The following PER3 variants were observed in gnomAD, a reference collection of about 807,000 sequenced individuals.
PER3 encodes the protein period circadian protein homolog 3.
PER3 carries 107 observed loss-of-function variants against 127.2 expected under a neutral mutation model. The ratio of observed to expected loss-of-function variants is 0.84; its 90% CI spans 0.72 to 0.99. PER3 has a LOEUF of 0.99. Among genes scored for constraint, PER3 ranks in the 50% least tolerant of loss-of-function variants. PER3 has a pLI of 0.00. For synonymous variants in PER3, 618 were observed against 585.8 expected (o/e 1.05, Z -0.79); for missense variants, 1,560 against 1,525.8 (o/e 1.02, Z -0.37).
Position 7,842,855 on chromosome 1 carries a change from A to T in PER3, c.*100A>T, listed in dbSNP as rs563564725. On this transcript the variant is annotated 3_prime_UTR_variant, in exon 22 of 22. Coordinates refer to ENST00000377532, the MANE Select transcript of PER3 (RefSeq NM_001377275.1). ...TTAAATGACCATGAAGTTATCATTGAATGTTAAGATTTTTTCTTCTTGATT... is the reference window on the plus strand; with the variant it reads ...TTAAATGACCATGAAGTTATCATTGTATGTTAAGATTTTTTCTTCTTGATT... The T allele has an allele frequency of 5.4e-6, 5 of 934,508 alleles. No individual in the cohort carries two copies. The East Asian group carries it at 1.4e-4, about 25-fold the overall frequency. The allele number at this position is 934,508 out of a possible 1,614,324, so 57.9% of individuals were successfully genotyped here. A position where few individuals can be genotyped will look rare whatever the true frequency, so the allele number is the denominator to read the frequency against.
chr1:7,810,687 T>G lies in PER3; in HGVS notation c.1522+99T>G, dbSNP rs531510322. The G allele has an allele frequency of 1.0e-4, 118 of 1,146,646 alleles. No individual in the cohort carries two copies. The Middle Eastern group carries it at 3.6e-3, about 35-fold the overall frequency. The allele number at this position is 1,146,646 out of a possible 1,614,324, so 71.0% of individuals were successfully genotyped here. Reference sequence around the variant, plus strand: ...TCGTGAGCATAAAGTCATGACCCTGTGTTGCTGCTTTTCATATTTCTTGAT... The same window carrying G: ...TCGTGAGCATAAAGTCATGACCCTGGGTTGCTGCTTTTCATATTTCTTGAT... On this transcript the variant is annotated intron_variant, in intron 13 of 21. Transcript: ENST00000377532.
chr1:7,803,163 T>TA lies in PER3; in HGVS notation c.979+11dup, dbSNP rs376439053. ...GCCATACACCAAAAAGGTCAGGACC[T>TA]ACTCCTTTATAGGAGGAAATATTTT... On this transcript the variant is annotated intron_variant, in intron 9 of 21. Coordinates refer to ENST00000377532, the MANE Select transcript of PER3 (RefSeq NM_001377275.1). 2.6e-4 allele frequency: 375 copies of TA among 1,425,988 alleles called. 2 individuals carry two copies. The East Asian group carries it at 4.2e-3, about 16-fold the overall frequency. The allele number at this position is 1,425,988 out of a possible 1,614,324, so 88.3% of individuals were successfully genotyped here. A position where few individuals can be genotyped will look rare whatever the true frequency, so the allele number is the denominator to read the frequency against.
In PER3 at chr1:7,819,396, T is replaced by C. The variant is rs1329707681; in HGVS notation, c.1634T>C (p.Ile545Thr). The C allele has an allele frequency of 1.2e-6, 2 of 1,614,052 alleles. No individual in the cohort carries two copies. Among genetic ancestry groups the C allele is most frequent in the South Asian group, 1.1e-5 (1 of 91,076 alleles). The change falls in exon 14 of 22, where the codon ATC (isoleucine) becomes ACC (threonine). Residue 545 changes from isoleucine (I) to threonine (T), a missense_variant. Ile to Thr is a moderately conservative substitution (Grantham distance 89). Coordinates refer to ENST00000377532, the MANE Select transcript of PER3 (RefSeq NM_001377275.1). ...NDEHSPSYQQ[I>T]NCIDSVIRYL... The stretch of plus-strand genomic sequence containing the variant: ...GAGCACAGCCCATCCTATCAACAGA[T>C]CAACTGTATCGACAGTGTCATCAGG...
intron 13 of PER3, 60 bp downstream of exon 13, chr1:7,810,648 G>A (rs2097215400): frequency 1.6e-5 from 23 of 1,470,300 alleles, no homozygotes; most frequent in East Asian, 2.3e-5. Context: ...CTGCATAGAC[G>A]TCATGTATGT....
At chr1:7,837,812 G>A (rs1284106520) in intron 21 of PER3, among the ~76,000 whole-genome samples, 2 of 152,188 alleles carry the variant, frequency 1.3e-5, no homozygotes, top group Non-Finnish European at 1.5e-5. Context: ...AGTGGCTCAC[G>A]TCTGTAATCC....
At position 7,833,217 on chromosome 1, in the gene PER3, T is replaced by A. The variant is rs993438209; in HGVS notation, c.3215-2545T>A. Among the ~76,000 whole-genome samples, 3 of 152,366 alleles carry A rather than the reference T, an allele frequency of 2.0e-5. 1 individual carries two copies. The highest frequency in any genetic ancestry group is 7.2e-5 in the African/African-American group (3 of 41,590). On this transcript the variant is annotated intron_variant, in intron 19 of 21. Coordinates refer to ENST00000377532, the MANE Select transcript of PER3 (RefSeq NM_001377275.1). Reference sequence around the variant, plus strand: ...TTGGTCCATCATGATAAATGTTTCATGTGCATTTGAAAAGAATATGCTTTC... The same window carrying A: ...TTGGTCCATCATGATAAATGTTTCAAGTGCATTTGAAAAGAATATGCTTTC...
intron 5 of PER3, among the ~76,000 whole-genome samples, chr1:7,793,734 G>A (rs1413893307): frequency 6.6e-6 from 1 of 152,148 alleles, no homozygotes; most frequent in Non-Finnish European, 1.5e-5. Context: ...GATTCTCACT[G>A]TTATACCTGA....
Position 7,809,878 on chromosome 1 carries a change from T to A in PER3, c.1243-15T>A, listed in dbSNP as rs2097211497. 11 of 1,612,604 alleles carry A rather than the reference T, an allele frequency of 6.8e-6. No individual in the cohort carries two copies. In the South Asian group the frequency reaches 1.2e-4, roughly 18 times the overall value. ...CAGCCAGCAATTCTGGACTTGTTCC[T>A]CTTTGTCCTTCCAGCCAGTTCACGT... On this transcript the variant is annotated splice_polypyrimidine_tract_variant and intron_variant, in intron 11 of 21. Coordinates refer to ENST00000377532, the MANE Select transcript of PER3 (RefSeq NM_001377275.1).
In PER3 at chr1:7,827,815, T is replaced by C. The variant is rs778243648; in HGVS notation, c.2886T>C (p.Tyr962=). The C allele has an allele frequency of 3.1e-6, 5 of 1,597,148 alleles. No homozygotes were observed. The highest frequency in any genetic ancestry group is 3.4e-5 in the Admixed American group (2 of 58,920). ...GGAACACGTGCCCACAAACTGAGTA[T>C]GTAAGTGATGCTCATTTTCAACACT... ...MRRNTCPQTE[Y]QCVTGNNGSE... Residue 962 remains tyrosine (Y), a splice_region_variant and synonymous_variant, in exon 18 of 22, where the codon TAT becomes TAC. Transcript: ENST00000377532.
At chr1:7,824,252 G>A (rs1437162083) in intron 16 of PER3, among the ~76,000 whole-genome samples, 2 of 152,096 alleles carry the variant, frequency 1.3e-5, no homozygotes, top group African/African-American at 4.8e-5. Context: ...AAGATAGAAT[G>A]AAGGAAATAA....
In PER3 at chr1:7,826,479, G is replaced by T. The variant is rs775882163; in HGVS notation, c.1958-1G>T. On this transcript the variant is annotated splice_acceptor_variant, in intron 16 of 21. Coordinates refer to ENST00000377532, the MANE Select transcript of PER3 (RefSeq NM_001377275.1). LOFTEE classifies it high-confidence loss of function. The surrounding 1 kb of genome is among the most constrained non-coding windows in gnomAD (Gnocchi z 4.2). ...ATTAAATATGTCTTCTTCCACCTCA[G>T]CCAGGGATGCTACCCTCTTCTGTGA... The T allele has an allele frequency of 6.4e-7, 1 of 1,574,658 alleles. No homozygotes were observed. The highest frequency in any genetic ancestry group is 2.2e-5 in the East Asian group (1 of 44,664).
At chr1:7,786,469 C>T (rs543338763) in intron 3 of PER3, among the ~76,000 whole-genome samples, 1 of 151,036 alleles carries the variant, frequency 6.6e-6, no homozygotes, top group South Asian at 2.1e-4. Flanking sequence ...GTGTATGCAT[C>T]TGAAATTTTT....
At chr1:7,834,830 TAAAC>T (rs149776550) in intron 19 of PER3, among the ~76,000 whole-genome samples, 7,458 of 152,264 alleles carry the variant, frequency 0.049, 625 homozygotes, top group East Asian at 0.27. Context: ...TAAAAAAAAT[TAAAC>T]AAATAGTTTT....
intron 21 of PER3, among the ~76,000 whole-genome samples, chr1:7,839,476 T>G (rs72855262): frequency 2.6e-4 from 40 of 152,360 alleles, no homozygotes; most frequent in African/African-American, 9.6e-4. Flanking sequence ...AATCATAATA[T>G]TTACCTTCGC....
At chr1:7,806,812 A>AAATATATATATATAT (rs61141023) in intron 10 of PER3, among the ~76,000 whole-genome samples, 8 of 60,624 alleles carry the variant, frequency 1.3e-4, no homozygotes, top group African/African-American at 5.5e-4. Flanking sequence ...AAAAAAAAAA[A>AAATATATATATATAT]ATATATATAT....
Position 7,801,135 on chromosome 1 carries a change from AAG to A in PER3, c.818_819del (p.Arg273AsnfsTer14). ...YEAPRIPVNK[R>X]IFTTTHTPGC... Reference sequence around the variant, plus strand: ...TAGCTCCTCGGATCCCAGTGAATAAAAGAATCTTCACCACCACACACACCCCA... The same window carrying A: ...TAGCTCCTCGGATCCCAGTGAATAAAAATCTTCACCACCACACACACCCCA... On this transcript the variant is annotated frameshift_variant, in exon 8 of 22. Transcript: ENST00000377532. LOFTEE classifies it high-confidence loss of function. The A allele has an allele frequency of 6.2e-7, 1 of 1,608,774 alleles. No individual in the cohort carries two copies. Among genetic ancestry groups the A allele is most frequent in the Non-Finnish European group, 8.5e-7 (1 of 1,176,754 alleles).
chr1:7,798,170 C>A (rs1259886222), intron 6 of PER3, among the ~76,000 whole-genome samples: 2 of 152,188 alleles, frequency 1.3e-5, no homozygotes, highest in Admixed American at 1.3e-4. Context: ...TCTTGTGACA[C>A]CTGTTGTAGA....
At chr1:7,818,116 C>G (rs1034817486) in intron 13 of PER3, among the ~76,000 whole-genome samples, 2 of 152,156 alleles carry the variant, frequency 1.3e-5, no homozygotes, top group Non-Finnish European at 2.9e-5. Flanking sequence ...TGACCCTGAA[C>G]GGAAAACAAC....
Position 7,820,165 on chromosome 1 carries a change from G to C in PER3, c.1709G>C (p.Cys570Ser). 2.5e-6 allele frequency: 4 copies of C among 1,612,894 alleles called. No homozygotes were observed. Among genetic ancestry groups the C allele is most frequent in the Middle Eastern group, 1.7e-4 (1 of 6,060 alleles). The change falls in exon 15 of 22, where the codon TGT (cysteine) becomes TCT (serine). Residue 570 changes from cysteine (C) to serine (S), a missense_variant. This residue lies in a region of PER3 where 1,332 missense variants were observed against 1,223.6 expected (regional missense o/e 1.09). Coordinates refer to ENST00000377532, the MANE Select transcript of PER3 (RefSeq NM_001377275.1). ...IPALKRKCISCTNTTSSSSEE... is the reference protein window; with the variant it reads ...IPALKRKCISSTNTTSSSSEE... ...GCTTTGAAAAGAAAGTGTATCTCCT[G>C]TACAAATACAACTTCTTCCTCCTCA... is the stretch of plus-strand genomic sequence containing the variant.
Sources: allele counts gnomAD v4.1 joint callset (sites outside exome capture counted in the v4.1 genomes callset), GRCh38; gene constraint gnomAD v4.1.1; regional missense constraint gnomAD v4.1.1; non-coding constraint Gnocchi (gnomAD v3.1); transcripts MANE v1.5; gene names NCBI Gene and HGNC (gene_info 2026-07-23, HGNC 2026-07-21).